Variants in PRH2 observed in about 807,000 individuals in gnomAD.
PRH2 encodes the protein salivary acidic proline-rich phosphoprotein 1/2.
A neutral mutation model predicts 22.6 loss-of-function variants in PRH2; 19 were observed. The ratio of observed to expected loss-of-function variants is 0.84; its 90% CI spans 0.59 to 1.23. The LOEUF is 1.23. PRH2 is among the 50% of genes most tolerant of loss of function. The pLI, the probability that PRH2 is intolerant of heterozygous loss-of-function variation, is 0.00. For missense variants in PRH2, 109 were observed against 203.0 expected, an observed-to-expected ratio of 0.54 and a Z score of 2.81; for synonymous variants, 45 against 72.0, an observed-to-expected ratio of 0.63 and a Z score of 1.90.
rs1565479266 is a variant in PRH2 at position 10,931,023 on chromosome 12, C to G, written c.462C>G (p.Gly154=). 5.0e-6 allele frequency: 8 copies of G among 1,592,386 alleles called. No homozygotes were observed. The highest frequency in any genetic ancestry group is 5.1e-6 in the Non-Finnish European group (6 of 1,171,226). Residue 154 remains glycine (G), a synonymous_variant, in exon 3 of 4, where the codon GGC becomes GGG. Coordinates refer to ENST00000396400, the MANE Select transcript of PRH2 (RefSeq NM_001110213.1). The part of the protein sequence containing the change: ...GKPQGPPPQG[G]RPQGPPQGQS... ...CCCAGGGACCACCTCCCCAAGGGGGCCGCCCACAAGGACCTCCACAGGGGC... is the reference window on the plus strand; with the variant it reads ...CCCAGGGACCACCTCCCCAAGGGGGGCGCCCACAAGGACCTCCACAGGGGC...
In PRH2 at chr12:10,930,158, T is replaced by A. The variant is rs368380661; in HGVS notation, c.65-111T>A. ...GCATCAGAGAGTGGCTGATGAGATC[T>A]CAAAGGGGATGCACAGGGTGTGATC... On this transcript the variant is annotated intron_variant, in intron 1 of 3. Transcript: ENST00000396400. 380 of 1,284,522 alleles carry A rather than the reference T, an allele frequency of 3.0e-4. 1 individual carries two copies. Among genetic ancestry groups the A allele is most frequent in the East Asian group, 1.2e-3 (52 of 43,250 alleles). The allele number at this position is 1,284,522 out of a possible 1,614,324, so 79.6% of individuals were successfully genotyped here.
intron 1 of PRH2, 125 bp downstream of exon 1, chr12:10,929,462 C>T (rs1950170928): frequency 1.1e-5 from 13 of 1,196,222 alleles, no homozygotes; most frequent in Non-Finnish European, 1.6e-5. Flanking sequence ...GTTCTCATGC[C>T]AAGGATCAGA....
At chr12:10,930,062 G>A (rs1420458305) in intron 1 of PRH2, among the ~76,000 whole-genome samples, 2 of 152,158 alleles carry the variant, frequency 1.3e-5, no homozygotes, top group Non-Finnish European at 1.5e-5. Flanking sequence ...GCCCTTCTAT[G>A]TTGAGTTCCT....
In PRH2 at chr12:10,932,986, A is replaced by G. The variant is rs1950235357; in HGVS notation, c.*779A>G. 6.6e-6 allele frequency among the ~76,000 whole-genome samples: 1 copy of G among 152,182 alleles called. No individual in the cohort carries two copies. The stretch of plus-strand genomic sequence containing the variant: ...GGGAGAACAGAAATAAGAATTAATG[A>G]AAATTTAAAAGATTAAATGAATGAG... On this transcript the variant is annotated 3_prime_UTR_variant, in exon 4 of 4. Coordinates refer to ENST00000396400, the MANE Select transcript of PRH2 (RefSeq NM_001110213.1).
At chr12:10,931,534 C>A (rs1225404566) in intron 3 of PRH2, among the ~76,000 whole-genome samples, 1 of 152,184 alleles carries the variant, frequency 6.6e-6, no homozygotes, top group African/African-American at 2.4e-5. Flanking sequence ...ACACATTTCA[C>A]ATTTAAAGTC....
chr12:10,929,408 G>A (rs1950170278), intron 1 of PRH2, 71 bp downstream of exon 1: 1 of 1,583,034 alleles, frequency 6.3e-7, no homozygotes, highest in South Asian at 1.1e-5. Context: ...GAGGGGGAAA[G>A]TGGAGGGAAG....
chr12:10,932,524 A>G lies in PRH2; in HGVS notation c.*317A>G, dbSNP rs777080937. ...TCTTCTTAGCTCGAATTTAAATTGC[A>G]CAATTATTTTCAGGTCATTTCCTGA... On this transcript the variant is annotated 3_prime_UTR_variant, in exon 4 of 4. Transcript: ENST00000396400. 3.9e-5 allele frequency among the ~76,000 whole-genome samples: 6 copies of G among 152,074 alleles called. No individual in the cohort carries two copies. Among genetic ancestry groups the G allele is most frequent in the Non-Finnish European group, 8.8e-5 (6 of 68,008 alleles).
At chr12:10,931,236 G>T in intron 3 of PRH2, 156 bp downstream of exon 3, 2 of 1,459,202 alleles carry the variant, frequency 1.4e-6, no homozygotes, top group Non-Finnish European at 9.1e-7. Flanking sequence ...AAGGTAGCAA[G>T]ATCTTGTTTT....
intron 1 of PRH2, 31 bp from the exon 2 acceptor site, chr12:10,930,238 C>T (rs1385292766): frequency 6.2e-7 from 1 of 1,610,142 alleles, no homozygotes; most frequent in Non-Finnish European, 8.5e-7. Context: ...CATGCAGTAA[C>T]TTTTCCCATC....
intron 1 of PRH2, among the ~76,000 whole-genome samples, 196 bp downstream of exon 1, chr12:10,929,533 A>C (rs904008943): frequency 2.0e-5 from 3 of 152,090 alleles, no homozygotes; most frequent in African/African-American, 7.2e-5. Context: ...CACAAATAGA[A>C]CCCAATAAAG....
At position 10,931,065 on chromosome 12, in the gene PRH2, T is replaced by C. The variant is rs1383565264; in HGVS notation, c.*3T>C. 23 of 1,570,216 alleles carry C rather than the reference T, an allele frequency of 1.5e-5. No individual in the cohort carries two copies. Among genetic ancestry groups the C allele is most frequent in the Non-Finnish European group, 1.9e-5 (22 of 1,164,220 alleles). ...CACAGGGGCAGTCTCCTCAGTAATC[T>C]AGGATTCAATGATAGGTATGATTCC... On this transcript the variant is annotated 3_prime_UTR_variant, in exon 3 of 4. Transcript: ENST00000396400.
chr12:10,932,066 G>A (rs573268623), intron 3 of PRH2, among the ~76,000 whole-genome samples, 160 bp from the exon 4 acceptor site: 306 of 152,302 alleles, frequency 2.0e-3, no homozygotes, highest in African/African-American at 7.2e-3. Context: ...CAATGGCATA[G>A]AAAGTGTGAA....
Position 10,932,819 on chromosome 12 carries a change from C to T in PRH2, c.*612C>T, listed in dbSNP as rs140572226. ...GGCAGCATAATTTGAAGGGCAATTG[C>T]GTGTGAAAATTGATGTGACTTGATT... is the stretch of plus-strand genomic sequence containing the variant. On this transcript the variant is annotated 3_prime_UTR_variant, in exon 4 of 4. Coordinates refer to ENST00000396400, the MANE Select transcript of PRH2 (RefSeq NM_001110213.1). 1.3e-5 allele frequency among the ~76,000 whole-genome samples: 2 copies of T among 151,634 alleles called. No individual in the cohort carries two copies. Among genetic ancestry groups the T allele is most frequent in the African/African-American group, 4.9e-5 (2 of 41,230 alleles).
chr12:10,929,975 T>C (rs2135864979), intron 1 of PRH2, among the ~76,000 whole-genome samples: 2 of 152,290 alleles, frequency 1.3e-5, no homozygotes, highest in South Asian at 4.1e-4. Context: ...GATCCCCAAA[T>C]ATTTCATTGA....
In PRH2 at chr12:10,934,573, C is replaced by T. The variant is rs763688153; in HGVS notation, c.*2366C>T. 6.6e-6 allele frequency among the ~76,000 whole-genome samples: 1 copy of T among 151,932 alleles called. No homozygotes were observed. The highest frequency in any genetic ancestry group is 1.5e-5 in the Non-Finnish European group (1 of 67,966). On this transcript the variant is annotated 3_prime_UTR_variant, in exon 4 of 4. Coordinates refer to ENST00000396400, the MANE Select transcript of PRH2 (RefSeq NM_001110213.1). The stretch of plus-strand genomic sequence containing the variant: ...ACAATTTCTTCATCTATCACATGTA[C>T]CTGTTATACATACTTATTAATTGGA...
rs151129906 is a variant in PRH2, at chr12:10,933,593, G to A, written c.*1386G>A. ...TTATTTGTTTTGGATAATGAAGTCAGCAGAGGAAAAAAAAATATGACCATC... is the reference window on the plus strand; with the variant it reads ...TTATTTGTTTTGGATAATGAAGTCAACAGAGGAAAAAAAAATATGACCATC... On this transcript the variant is annotated 3_prime_UTR_variant, in exon 4 of 4. Coordinates refer to ENST00000396400, the MANE Select transcript of PRH2 (RefSeq NM_001110213.1). Among the ~76,000 whole-genome samples, 10 of 151,948 alleles carry A rather than the reference G, an allele frequency of 6.6e-5. No homozygotes were observed. The highest frequency in any genetic ancestry group is 2.4e-4 in the African/African-American group (10 of 41,508).
chr12:10,932,188 T>A, intron 3 of PRH2, 38 bp from the exon 4 acceptor site: 3 of 429,150 alleles, frequency 7.0e-6, no homozygotes, highest in Middle Eastern at 6.7e-4. Context: ...TTTCCTGCCA[T>A]GTCAAGTCTT....
rs1950224507 is a variant in PRH2 at position 10,932,259 on chromosome 12, C to T, written c.*52C>T. The T allele has an allele frequency of 4.6e-6, 2 of 430,212 alleles. No individual in the cohort carries two copies. The highest frequency in any genetic ancestry group is 2.4e-5 in the Admixed American group (1 of 42,216). 26.6% of individuals were successfully genotyped at this position (430,212 alleles called of 1,614,324 possible). On this transcript the variant is annotated 3_prime_UTR_variant, in exon 4 of 4. Transcript: ENST00000396400. Reference sequence around the variant, plus strand: ...TAAGAAGATGACAGTGTTTCAAATGCCTTGAAACATAATGTGATCATGCTC... The same window carrying T: ...TAAGAAGATGACAGTGTTTCAAATGTCTTGAAACATAATGTGATCATGCTC...
At position 10,933,868 on chromosome 12, in the gene PRH2, T is replaced by G. The variant is rs1591695079; in HGVS notation, c.*1661T>G. Among the ~76,000 whole-genome samples, 1 of 152,082 alleles carries G rather than the reference T, an allele frequency of 6.6e-6. No individual in the cohort carries two copies. The highest frequency in any genetic ancestry group is 1.9e-4 in the East Asian group (1 of 5,180). ...ATTTAATATTAGATAAACAAGCACA[T>G]AACAGAGATACATATATTCAAATGG... On this transcript the variant is annotated 3_prime_UTR_variant, in exon 4 of 4. Coordinates refer to ENST00000396400, the MANE Select transcript of PRH2 (RefSeq NM_001110213.1).
Sources: gnomAD v4.1 joint callset for allele counts (sites outside exome capture counted in the v4.1 genomes callset) on GRCh38, gnomAD v4.1.1 for gene constraint, MANE v1.5 for transcripts, NCBI Gene and HGNC (gene_info 2026-07-23, HGNC 2026-07-21) for gene names.